The following SPAG17 variants were observed in gnomAD, a reference collection of about 807,000 sequenced individuals.
SPAG17 encodes the protein sperm associated antigen 17, also known as sperm-associated antigen 17.
Under a neutral mutation model 273.6 loss-of-function variants are expected in SPAG17, and 169 were observed. That is an observed-to-expected ratio of 0.62 (90% CI 0.55 to 0.70). The LOEUF (loss-of-function observed/expected upper bound fraction) is 0.70. SPAG17 is among the 30% of genes least tolerant of loss of function. The pLI, the probability that SPAG17 is intolerant of heterozygous loss-of-function variation, is 0.00. For missense variants in SPAG17, 2,557 were observed against 2,627.8 expected (o/e 0.97, Z 0.59); for synonymous variants, 825 against 873.2 (o/e 0.94, Z 0.97).
intron 47 of SPAG17, 132 bp from the exon 48 acceptor site, chr1:117,964,070 T>C: frequency 5.3e-6 from 5 of 944,984 alleles, no homozygotes; most frequent in Middle Eastern, 6.3e-4. Context: ...GTCTATCCAA[T>C]GCAAATTCTG....
intron 47 of SPAG17, chr1:117,964,236 C>CTTT (rs373131863): frequency 3.0e-5 from 4 of 131,800 alleles, no homozygotes; most frequent in African/African-American, 5.9e-5. Flanking sequence ...AGATTTCATG[C>CTTT]TTTTTTTTTT....
At chr1:118,062,937 C>A (rs1652505828) in intron 18 of SPAG17, among the ~76,000 whole-genome samples, 1 of 152,020 alleles carries the variant, frequency 6.6e-6, no homozygotes, top group Non-Finnish European at 1.5e-5. Context: ...AAACTGTTAA[C>A]AAAAATGTAA....
chr1:118,127,270 A>T (rs1657787740), intron 3 of SPAG17, among the ~76,000 whole-genome samples: 1 of 152,138 alleles, frequency 6.6e-6, no homozygotes, highest in African/African-American at 2.4e-5. Flanking sequence ...TGGATTATTT[A>T]TAAAGAGAAG....
chr1:118,176,210 C>T (rs1040572167), intron 1 of SPAG17, among the ~76,000 whole-genome samples: 2 of 152,002 alleles, frequency 1.3e-5, no homozygotes, highest in Non-Finnish European at 2.9e-5. Context: ...AGAACACAAG[C>T]AACAAATGGC....
rs1415942951 is a variant in SPAG17 at position 118,125,214 on chromosome 1, TA to T, written c.316-9774del. Reference sequence around the variant, plus strand: ...TATCAATTTTTTAAAAAATTTGTATTATTTTTTATTGTATTCATATATATAT... The same window carrying T: ...TATCAATTTTTTAAAAAATTTGTATTTTTTTTATTGTATTCATATATATAT... On this transcript the variant is annotated intron_variant, in intron 3 of 48. Coordinates refer to ENST00000336338, the MANE Select transcript of SPAG17 (RefSeq NM_206996.4). Among the ~76,000 whole-genome samples the T allele has an allele frequency of 5.3e-5, 8 of 149,746 alleles. No homozygotes were observed. In the South Asian group the frequency reaches 1.0e-3, roughly 19 times the overall value.
chr1:117,954,128 A>G, intron 48 of SPAG17, 79 bp from the exon 49 acceptor site: 2 of 1,574,356 alleles, frequency 1.3e-6, no homozygotes, highest in Non-Finnish European at 1.7e-6. Context: ...AAGTTACAGT[A>G]TCAATAAAGG....
At position 118,093,311 on chromosome 1, in the gene SPAG17, A is replaced by G; in HGVS notation, c.1018T>C (p.Leu340=). Residue 340 remains leucine, a synonymous_variant, in exon 8 of 49, where the codon TTG becomes CTG. Coordinates refer to ENST00000336338, the MANE Select transcript of SPAG17 (RefSeq NM_206996.4). ...ATATTTTCAAAAATATCAGTGCCCA[A>G]TTTCAGCTACAAGTGAGAGATTTAA... ...DWSDGEMMLK[L]GTDIFENIAC... 6.2e-7 allele frequency: 1 copy of G among 1,606,308 alleles called. No homozygotes were observed. Among genetic ancestry groups the G allele is most frequent in the Non-Finnish European group, 8.5e-7 (1 of 1,175,762 alleles).
intron 40 of SPAG17, among the ~76,000 whole-genome samples, chr1:117,985,838 C>G (rs1656340399): frequency 6.6e-6 from 1 of 152,122 alleles, no homozygotes; most frequent in Non-Finnish European, 1.5e-5. Flanking sequence ...GTTAAGTAAC[C>G]TATTCCAAAT....
Position 118,150,608 on chromosome 1 carries a change from CA to C in SPAG17, c.249del (p.Val84LeufsTer13). On this transcript the variant is annotated frameshift_variant, in exon 3 of 49. Transcript: ENST00000336338. LOFTEE classifies it high-confidence loss of function. ...ILQQINEINT[L>X]VGSASSKKAK... is the part of the protein sequence containing the mutation. Reference sequence around the variant, plus strand: ...GCCTTTTTAGATGAAGCAGATCCAACAAGTGTATTTATTTCATTAATCTGTA... The same window carrying C: ...GCCTTTTTAGATGAAGCAGATCCAACAGTGTATTTATTTCATTAATCTGTA... The C allele has an allele frequency of 6.4e-7, 1 of 1,561,548 alleles. No individual in the cohort carries two copies. Among genetic ancestry groups the C allele is most frequent in the Non-Finnish European group, 8.8e-7 (1 of 1,140,490 alleles).
intron 43 of SPAG17, among the ~76,000 whole-genome samples, chr1:117,980,263 G>A (rs1000146132): frequency 3.6e-4 from 55 of 151,562 alleles, no homozygotes; most frequent in Admixed American, 1.3e-3. Flanking sequence ...ATGGAGTCTC[G>A]CTCTGTTGCC....
intron 3 of SPAG17, 53 bp from the exon 4 acceptor site, chr1:118,115,494 A>T (rs1429627962): frequency 1.3e-6 from 2 of 1,514,808 alleles, no homozygotes; most frequent in Non-Finnish European, 1.8e-6. Flanking sequence ...CCTTTGGCAC[A>T]GTCTGTCAGT....
At position 118,039,400 on chromosome 1, in the gene SPAG17, A is replaced by G; in HGVS notation, c.3211T>C (p.Phe1071Leu). Residue 1071 changes from phenylalanine to leucine, a missense_variant, in exon 23 of 49, where the codon TTT (phenylalanine) becomes CTT (leucine). Physicochemically the swap from Phe to Leu is conservative, Grantham distance 22. Transcript: ENST00000336338. ...KVRVVKDNHNFMIHLNDPKEI... is the reference protein window; with the variant it reads ...KVRVVKDNHNLMIHLNDPKEI... Reference sequence around the variant, plus strand: ...TTAGGGTCATTTAAATGAATCATAAAATTGTGGTTGTCCTTTACCACTCTC... The same window carrying G: ...TTAGGGTCATTTAAATGAATCATAAGATTGTGGTTGTCCTTTACCACTCTC... 1.2e-6 allele frequency: 2 copies of G among 1,613,498 alleles called. No individual in the cohort carries two copies. The highest frequency in any genetic ancestry group is 1.7e-6 in the Non-Finnish European group (2 of 1,179,634).
At chr1:118,154,857 G>A (rs1659570549) in intron 1 of SPAG17, among the ~76,000 whole-genome samples, 4 of 151,910 alleles carry the variant, frequency 2.6e-5, no homozygotes, top group Admixed American at 1.3e-4. Flanking sequence ...ATCTTAAGAA[G>A]TTTAAGTTTA....
chr1:118,066,442 T>C lies in SPAG17; in HGVS notation c.2540+303A>G, dbSNP rs113134315. On this transcript the variant is annotated intron_variant, in intron 18 of 48. Coordinates refer to ENST00000336338, the MANE Select transcript of SPAG17 (RefSeq NM_206996.4). ...TTTTATAGTTCCTACTTGAAATCTT[T>C]TGGAGACAGTTTTACTGGAATCTAA... 4.2e-3 allele frequency among the ~76,000 whole-genome samples: 644 copies of C among 152,284 alleles called. 3 individuals carry two copies. The highest frequency in any genetic ancestry group is 0.015 in the African/African-American group (610 of 41,558).
intron 25 of SPAG17, among the ~76,000 whole-genome samples, chr1:118,031,420 G>T (rs957116050): frequency 3.9e-5 from 6 of 152,220 alleles, no homozygotes; most frequent in South Asian, 2.1e-4. Context: ...CCAAGAAATA[G>T]AGTGGAAAAA....
At chr1:117,980,285 G>A (rs1655644069) in intron 43 of SPAG17, among the ~76,000 whole-genome samples, 2 of 152,024 alleles carry the variant, frequency 1.3e-5, no homozygotes, top group Admixed American at 6.6e-5. Context: ...AGGCTGGAGT[G>A]CAGTGGCATG....
At chr1:118,019,686 A>G (rs1660316196) in intron 28 of SPAG17, among the ~76,000 whole-genome samples, 2 of 152,200 alleles carry the variant, frequency 1.3e-5, no homozygotes, top group African/African-American at 4.8e-5. Flanking sequence ...ATTTATTGAA[A>G]TTGTAATAAA....
chr1:118,011,713 A>C (rs1320785846), intron 30 of SPAG17, among the ~76,000 whole-genome samples: 1 of 152,074 alleles, frequency 6.6e-6, no homozygotes, highest in Non-Finnish European at 1.5e-5. Context: ...CCTTAACTTA[A>C]AAGTTTTAAA....
At chr1:118,065,572 A>G (rs1377232191) in intron 18 of SPAG17, among the ~76,000 whole-genome samples, 2 of 152,180 alleles carry the variant, frequency 1.3e-5, no homozygotes, top group Non-Finnish European at 2.9e-5. Flanking sequence ...ATACATTAGC[A>G]AAGCAAATGT....
Sources: gnomAD v4.1 joint callset for allele counts (sites outside exome capture counted in the v4.1 genomes callset) on GRCh38, gnomAD v4.1.1 for gene constraint, MANE v1.5 for transcripts, NCBI Gene and HGNC (gene_info 2026-07-23, HGNC 2026-07-21) for gene names.